SMC1B: variants seen among roughly 807,000 people sequenced by gnomAD.
SMC1B encodes the protein structural maintenance of chromosomes protein 1B.
A neutral mutation model predicts 157.9 loss-of-function variants in SMC1B; 60 were observed. The observed-to-expected ratio is 0.38, with a 90% CI of 0.31 to 0.47. SMC1B has a LOEUF of 0.47. SMC1B is among the 20% of genes least tolerant of loss of function. SMC1B has a pLI of 0.99. For synonymous variants in SMC1B, 445 were observed against 483.0 expected (o/e 0.92, Z 1.03); for missense variants, 1,165 against 1,426.2 (o/e 0.82, Z 2.95).
intron 5 of SMC1B, among the ~76,000 whole-genome samples, chr22:45,401,907 G>A (rs970691051): frequency 2.9e-4 from 44 of 150,344 alleles, no homozygotes; most frequent in Admixed American, 4.0e-4. Flanking sequence ...TTTTTGAGAT[G>A]GAGTCTCACG....
At chr22:45,353,366 C>T (rs2086634208) in intron 21 of SMC1B, among the ~76,000 whole-genome samples, 1 of 151,152 alleles carries the variant, frequency 6.6e-6, no homozygotes, top group Non-Finnish European at 1.5e-5. Flanking sequence ...TTCTAAATAT[C>T]TGATCCAGGA....
intron 22 of SMC1B, 104 bp from the exon 23 acceptor site, chr22:45,349,901 T>C (rs2146755836): frequency 1.1e-6 from 1 of 917,380 alleles, no homozygotes; most frequent in African/African-American, 1.7e-5. Context: ...ACACATTCTT[T>C]TGGATATTTC....
intron 14 of SMC1B, among the ~76,000 whole-genome samples, chr22:45,370,287 CTTA>C (rs1313291831): frequency 2.0e-5 from 3 of 152,026 alleles, no homozygotes; most frequent in Non-Finnish European, 4.4e-5. Flanking sequence ...CATAATTGGC[CTTA>C]TTAAGTGCTT....
intron 15 of SMC1B, among the ~76,000 whole-genome samples, chr22:45,368,366 T>C (rs767362739): frequency 2.0e-4 from 31 of 152,250 alleles, no homozygotes; most frequent in Non-Finnish European, 3.8e-4. Context: ...GTTGTACTGC[T>C]GATTTGTATT....
chr22:45,389,733 G>A lies in SMC1B; in HGVS notation c.1710C>T (p.Phe570=). ...TTACATCAAGGTAATCTAGAGCGAG[G>A]AATGTCTCAGGTTCAGCTCTTTCCT... ...LKEERAEPET[F]LALDYLDIKP... Residue 570 remains phenylalanine, a synonymous_variant, in exon 10 of 25, where the codon TTC becomes TTT. Coordinates refer to ENST00000357450, the MANE Select transcript of SMC1B (RefSeq NM_148674.5). 1.2e-6 allele frequency: 2 copies of A among 1,613,912 alleles called. No individual in the cohort carries two copies. Among genetic ancestry groups the A allele is most frequent in the African/African-American group, 2.7e-5 (2 of 75,036 alleles).
intron 8 of SMC1B, 128 bp downstream of exon 8, chr22:45,394,557 G>C: frequency 8.9e-7 from 1 of 1,127,448 alleles, no homozygotes; most frequent in Middle Eastern, 3.3e-4. Context: ...CGTCATGTGA[G>C]CCCCGGAAGT....
At chr22:45,413,015 G>C (rs4823293) in intron 1 of SMC1B, among the ~76,000 whole-genome samples, 1 of 151,968 alleles carries the variant, frequency 6.6e-6, no homozygotes, top group Non-Finnish European at 1.5e-5. Context: ...ACAGGGCCCA[G>C]GGCGGGACCG....
chr22:45,413,507 T>A lies in SMC1B; in HGVS notation c.61A>T (p.Ile21Phe). 6.2e-7 allele frequency: 1 copy of A among 1,609,152 alleles called. No individual in the cohort carries two copies. The highest frequency in any genetic ancestry group is 1.7e-4 in the Middle Eastern group (1 of 6,052). Residue 21 changes from isoleucine to phenylalanine, a missense_variant, in exon 1 of 25, where the codon ATT becomes TTT. Coordinates refer to ENST00000357450, the MANE Select transcript of SMC1B (RefSeq NM_148674.5). Reference protein sequence around the residue: ...NFKSWRGRQVIGPFRRFTCII... With the variant: ...NFKSWRGRQVFGPFRRFTCII... Reference sequence around the variant, plus strand: ...CAGGTGAACCTCCGGAAGGGGCCAATGACCTGGCGGCCCCGCCACGACTTG... The same window carrying A: ...CAGGTGAACCTCCGGAAGGGGCCAAAGACCTGGCGGCCCCGCCACGACTTG...
chr22:45,400,345 CA>C (rs542381027), intron 5 of SMC1B, among the ~76,000 whole-genome samples: 3 of 149,296 alleles, frequency 2.0e-5, no homozygotes, highest in Middle Eastern at 3.4e-3. Context: ...GGAAGAGCTC[CA>C]AAAAAAAATC....
At position 45,406,820 on chromosome 22, in the gene SMC1B, G is replaced by A. The variant is rs577572876; in HGVS notation, c.344C>T (p.Ser115Phe). 3 of 1,587,450 alleles carry A rather than the reference G, an allele frequency of 1.9e-6. No individual in the cohort carries two copies. Among genetic ancestry groups the A allele is most frequent in the African/African-American group, 1.4e-5 (1 of 73,382 alleles). ...FRFNDNLVSR[S>F]VYIAELEKIG... ...CTTTTCCAACTCTGCAATGTAAACA[G>A]AACGACTCACAAGATTATCATTAAA... The change falls in exon 3 of 25, where the codon TCT (serine) becomes TTT (phenylalanine). Residue 115 changes from serine (S) to phenylalanine (F), a missense_variant. Transcript: ENST00000357450.
intron 7 of SMC1B, among the ~76,000 whole-genome samples, chr22:45,395,645 G>A (rs1234757635): frequency 6.6e-6 from 1 of 152,114 alleles, no homozygotes; most frequent in Non-Finnish European, 1.5e-5. Context: ...ATCACCTGAG[G>A]TCAGGAGTTC....
Position 45,389,832 on chromosome 22 carries a change from A to C in SMC1B, c.1611T>G (p.Val537=). The C allele has an allele frequency of 6.2e-7, 1 of 1,614,118 alleles. No homozygotes were observed. Among genetic ancestry groups the C allele is most frequent in the Non-Finnish European group, 8.5e-7 (1 of 1,179,988 alleles). The change falls in exon 10 of 25, where the codon GTT becomes GTG. Residue 537 remains valine (V), a synonymous_variant. Transcript: ENST00000357450. Reference sequence around the variant, plus strand: ...CAATGGCAGTGATGAACCGGCCAAAAACCTTAGTAACAGCCAGCTGGTATT... The same window carrying C: ...CAATGGCAGTGATGAACCGGCCAAACACCTTAGTAACAGCCAGCTGGTATT... ...HKKYQLAVTK[V]FGRFITAIVV...
intron 4 of SMC1B, 87 bp downstream of exon 4, chr22:45,406,373 T>C (rs758427753): frequency 1.9e-6 from 2 of 1,053,338 alleles, no homozygotes; most frequent in Non-Finnish European, 2.8e-6. Flanking sequence ...ATTAATCTTC[T>C]TGGTAAGCCC....
At chr22:45,389,359 T>G (rs959079502) in intron 10 of SMC1B, among the ~76,000 whole-genome samples, 1 of 152,174 alleles carries the variant, frequency 6.6e-6, no homozygotes, top group South Asian at 2.1e-4. Flanking sequence ...TGAGGCTGAG[T>G]TGGCATTTCC....
At chr22:45,408,930 T>G in intron 1 of SMC1B, 32 bp from the exon 2 acceptor site, 1 of 1,351,544 alleles carries the variant, frequency 7.4e-7, no homozygotes, top group African/African-American at 1.5e-5. Context: ...ACATTATTCA[T>G]TCTTAATGAT....
At chr22:45,371,395 T>A (rs2086829582) in intron 14 of SMC1B, 76 bp downstream of exon 14, 1 of 1,435,590 alleles carries the variant, frequency 7.0e-7, no homozygotes, top group African/African-American at 1.5e-5. Context: ...CTTTAGCATA[T>A]ATTTAAGAAG....
Position 45,409,847 on chromosome 22 carries a change from T to A in SMC1B, c.110-949A>T, listed in dbSNP as rs139629255. Reference sequence around the variant, plus strand: ...AAACTATCTGTACAAACAATATGATTTAATCTGAACATATGCTTTCTTTCT... The same window carrying A: ...AAACTATCTGTACAAACAATATGATATAATCTGAACATATGCTTTCTTTCT... On this transcript the variant is annotated intron_variant, in intron 1 of 24. Transcript: ENST00000357450. Among the ~76,000 whole-genome samples the A allele has an allele frequency of 8.7e-3, 1,325 of 152,336 alleles. 23 individuals are homozygous for A. Among genetic ancestry groups the A allele is most frequent in the African/African-American group, 0.031 (1,273 of 41,566 alleles).
At chr22:45,349,827 C>T (rs2086593341) in intron 22 of SMC1B, 30 bp from the exon 23 acceptor site, 1 of 1,526,724 alleles carries the variant, frequency 6.5e-7, no homozygotes, top group Admixed American at 1.9e-5. Context: ...AAGTAAGTTA[C>T]AATTTTCTAT....
intron 12 of SMC1B, among the ~76,000 whole-genome samples, chr22:45,378,072 T>C (rs906766655): frequency 6.7e-6 from 1 of 150,208 alleles, no homozygotes; most frequent in Non-Finnish European, 1.5e-5. Context: ...GATTCCTCTA[T>C]TTTTTTTAGA....
Sources: allele counts gnomAD v4.1 joint callset (sites outside exome capture counted in the v4.1 genomes callset), GRCh38; gene constraint gnomAD v4.1.1; transcripts MANE v1.5; gene names NCBI Gene and HGNC (gene_info 2026-07-23, HGNC 2026-07-21).